Variants in WWOX observed in about 807,000 individuals in gnomAD.
WWOX encodes WW domain containing oxidoreductase.
Under a neutral mutation model 46.2 loss-of-function variants are expected in WWOX, and 69 were observed. The ratio of observed to expected loss-of-function variants is 1.49; its 90% CI spans 1.23 to 1.82. WWOX has a LOEUF of 1.82. Among genes scored for constraint, WWOX ranks in the 40% most tolerant of loss-of-function variants. The probability of loss-of-function intolerance (pLI) is 0.00; values close to 1 mark genes in which losing one functional copy is unlikely to be tolerated. For synonymous variants in WWOX, 359 were observed against 202.6 expected (o/e 1.77, Z -6.56); for missense variants, 919 against 542.6 (o/e 1.69, Z -6.89).
At chr16:78,798,397 G>A (rs191486480) in intron 8 of WWOX, among the ~76,000 whole-genome samples, 53 of 152,148 alleles carry the variant, frequency 3.5e-4, no homozygotes, top group Admixed American at 1.6e-3. Flanking sequence ...GGATGTCATC[G>A]ACAAATGAAA....
intron 4 of WWOX, among the ~76,000 whole-genome samples, chr16:78,125,380 A>G (rs16947165): frequency 0.28 from 42,972 of 151,926 alleles, 6,593 homozygotes; most frequent in East Asian, 0.53. Context: ...GGGAGGAATA[A>G]CAGCACACTC....
intron 8 of WWOX, among the ~76,000 whole-genome samples, chr16:78,995,316 A>G (rs186249856): frequency 1.0e-3 from 159 of 152,158 alleles, no homozygotes; most frequent in African/African-American, 3.3e-3. Flanking sequence ...CCCTTGCCCA[A>G]TTCCCTCCCC....
At chr16:78,480,591 G>A (rs2667561) in intron 8 of WWOX, among the ~76,000 whole-genome samples, 43,012 of 152,098 alleles carry the variant, frequency 0.28, 8,007 homozygotes, top group African/African-American at 0.53. Context: ...TCAGGGTCCC[G>A]TACTTTTCAA....
chr16:78,455,643 C>CAAAAAAAAAAA (rs57754374), intron 8 of WWOX, among the ~76,000 whole-genome samples: 1 of 60,508 alleles, frequency 1.7e-5, no homozygotes, highest in African/African-American at 7.1e-5. Context: ...GACTCTGTCT[C>CAAAAAAAAAAA]AAAAAAAAAA....
intron 8 of WWOX, among the ~76,000 whole-genome samples, chr16:78,860,673 A>G (rs569334700): frequency 3.9e-5 from 6 of 152,338 alleles, no homozygotes; most frequent in East Asian, 3.9e-4. Context: ...AATGCGTGAA[A>G]AAGAAGTGTT....
intron 4 of WWOX, among the ~76,000 whole-genome samples, chr16:78,156,233 C>G (rs559171601): frequency 8.6e-5 from 13 of 151,910 alleles, no homozygotes; most frequent in Admixed American, 7.8e-4. Context: ...TCAGATGTGC[C>G]CTTTCTGGTA....
chr16:78,272,048 C>T (rs1218121611), intron 5 of WWOX, among the ~76,000 whole-genome samples: 2 of 152,206 alleles, frequency 1.3e-5, no homozygotes, highest in African/African-American at 2.4e-5. Context: ...ATCTGTAAAA[C>T]GTGGATGTTC....
intron 8 of WWOX, among the ~76,000 whole-genome samples, chr16:78,465,025 G>A (rs192658137): frequency 6.6e-6 from 1 of 152,172 alleles, no homozygotes; most frequent in Admixed American, 6.5e-5. Flanking sequence ...AAGAAAGCGT[G>A]TGCAGGGGAA....
chr16:78,380,741 C>T (rs1050206603), intron 5 of WWOX, among the ~76,000 whole-genome samples: 58 of 152,218 alleles, frequency 3.8e-4, no homozygotes, highest in African/African-American at 1.3e-3. Context: ...TGTTATTACT[C>T]CCACTTCACA....
chr16:78,675,175 G>C (rs1481247310), intron 8 of WWOX, among the ~76,000 whole-genome samples: 1 of 152,078 alleles, frequency 6.6e-6, no homozygotes, highest in Non-Finnish European at 1.5e-5. Flanking sequence ...TTATTTTTAT[G>C]TATATTTAAC....
At chr16:78,755,378 G>T (rs751777286) in intron 8 of WWOX, among the ~76,000 whole-genome samples, 1 of 152,168 alleles carries the variant, frequency 6.6e-6, no homozygotes, top group African/African-American at 2.4e-5. Flanking sequence ...TCCTGGTCCA[G>T]GTAAAGCAGG....
intron 8 of WWOX, among the ~76,000 whole-genome samples, chr16:78,748,262 T>C (rs1321922280): frequency 6.6e-6 from 1 of 152,178 alleles, no homozygotes; most frequent in African/African-American, 2.4e-5. Context: ...CTACCACAGA[T>C]AGCTCACCAC....
At chr16:78,246,645 C>T (rs937811733) in intron 5 of WWOX, among the ~76,000 whole-genome samples, 10 of 152,184 alleles carry the variant, frequency 6.6e-5, no homozygotes, top group African/African-American at 2.4e-4. Flanking sequence ...AAAACGTCTT[C>T]TGTGGCATGG....
At chr16:78,912,103 A>T (rs1374676200) in intron 8 of WWOX, among the ~76,000 whole-genome samples, 1 of 150,362 alleles carries the variant, frequency 6.7e-6, no homozygotes, top group Non-Finnish European at 1.5e-5. Context: ...CAGGTTTTCC[A>T]GTGTCTCTGA....
intron 8 of WWOX, among the ~76,000 whole-genome samples, chr16:79,094,204 C>G (rs1233359419): frequency 6.6e-6 from 1 of 151,514 alleles, no homozygotes; most frequent in East Asian, 1.9e-4. Context: ...TTCATTACCA[C>G]TTTTGCCAGC....
chr16:78,581,570 C>T (rs1412684067), intron 8 of WWOX, among the ~76,000 whole-genome samples: 3 of 152,074 alleles, frequency 2.0e-5, no homozygotes, highest in African/African-American at 7.2e-5. Flanking sequence ...TTATTGTGAA[C>T]CTCTAGGAAT....
chr16:79,038,987 T>C (rs2047920970), intron 8 of WWOX, among the ~76,000 whole-genome samples: 1 of 152,176 alleles, frequency 6.6e-6, no homozygotes, highest in South Asian at 2.1e-4. Flanking sequence ...TCAAAGCTAA[T>C]GTCTGCCACA....
At chr16:79,018,448 G>T (rs573234027) in intron 8 of WWOX, among the ~76,000 whole-genome samples, 1 of 152,284 alleles carries the variant, frequency 6.6e-6, no homozygotes, top group Non-Finnish European at 1.5e-5. Context: ...ATTGACCTCT[G>T]TGCCCATCTT....
At chr16:79,202,154 C>T (rs1027922960) in intron 8 of WWOX, among the ~76,000 whole-genome samples, 23 of 152,042 alleles carry the variant, frequency 1.5e-4, no homozygotes, top group Non-Finnish European at 1.3e-4. Flanking sequence ...GTTGAGTGAT[C>T]GTGCCAGACA....
Sources: allele counts gnomAD v4.1 joint callset (sites outside exome capture counted in the v4.1 genomes callset), GRCh38; gene constraint gnomAD v4.1.1; transcripts MANE v1.5; gene names NCBI Gene and HGNC (gene_info 2026-07-23, HGNC 2026-07-21).